PRDM11: variants seen among roughly 807,000 people sequenced by gnomAD.
The protein encoded by PRDM11 is PR domain-containing protein 11.
PRDM11 carries 20 observed loss-of-function variants against 97.8 expected under a neutral mutation model. The observed-to-expected ratio is 0.20, with a 90% CI of 0.14 to 0.30. The LOEUF is 0.30. Among genes scored for constraint, PRDM11 ranks in the 10% least tolerant of loss-of-function variants. The probability of loss-of-function intolerance (pLI) is 1.00; values close to 1 mark genes in which losing one functional copy is unlikely to be tolerated. For synonymous variants in PRDM11, 599 were observed against 637.7 expected (o/e 0.94, Z 0.91); for missense variants, 1,139 against 1,555.2 (o/e 0.73, Z 4.50).
chr11:45,176,111 G>A (rs1378488892), intron 1 of PRDM11, among the ~76,000 whole-genome samples: 2 of 152,070 alleles, frequency 1.3e-5, no homozygotes, highest in Non-Finnish European at 2.9e-5. Flanking sequence ...GCCGGGTGTG[G>A]TAGCTCATGC....
At chr11:45,208,840 A>G in intron 5 of PRDM11, 1 of 400,484 alleles carries the variant, frequency 2.5e-6, no homozygotes, top group Non-Finnish European at 5.1e-6. Context: ...ACGGTCATTT[A>G]CCCAATTGTG....
chr11:45,182,492 A>G (rs533045882), intron 3 of PRDM11, 143 bp downstream of exon 3: 2 of 748,804 alleles, frequency 2.7e-6, no homozygotes, highest in Non-Finnish European at 2.2e-6. Context: ...GTTCGTCATC[A>G]TCATTAGCCA....
Position 45,234,045 on chromosome 11 carries a change from C to T in PRDM11, c.*5886C>T, listed in dbSNP as rs754466334. 1 of 152,286 alleles carries T rather than the reference C, an allele frequency of 6.6e-6. No individual in the cohort carries two copies. The highest frequency in any genetic ancestry group is 1.9e-4 in the East Asian group (1 of 5,180). 9.4% of individuals were successfully genotyped at this position (152,286 alleles called of 1,614,324 possible). A position where few individuals can be genotyped will look rare whatever the true frequency, so the allele number is the denominator to read the frequency against. On this transcript the variant is annotated 3_prime_UTR_variant, in exon 8 of 8. Coordinates refer to ENST00000683152, the MANE Select transcript of PRDM11 (RefSeq NM_001384648.1). ...GGGATACCCCAAGCTCATCCACTTT[C>T]GTTGGGGAGGGCCCCTCCCTGGGTT...
chr11:45,111,209 C>T (rs1852170245), intron 1 of PRDM11, among the ~76,000 whole-genome samples: 1 of 115,942 alleles, frequency 8.6e-6, no homozygotes, highest in African/African-American at 2.5e-5. Flanking sequence ...ATCTTTCTTA[C>T]AATCCATCCC....
intron 1 of PRDM11, among the ~76,000 whole-genome samples, chr11:45,140,289 A>G (rs1487845895): frequency 6.6e-6 from 1 of 152,176 alleles, no homozygotes; most frequent in Non-Finnish European, 1.5e-5. Context: ...CACTTTACAA[A>G]TTGAGAGAAA....
chr11:45,181,678 C>A, intron 1 of PRDM11, 83 bp from the exon 2 acceptor site: 1 of 1,161,352 alleles, frequency 8.6e-7, no homozygotes, highest in East Asian at 2.5e-5. Flanking sequence ...CGCGAGACCC[C>A]CACTTGCCCT....
At chr11:45,221,330 T>C (rs1328035243) in intron 6 of PRDM11, among the ~76,000 whole-genome samples, 2 of 152,200 alleles carry the variant, frequency 1.3e-5, no homozygotes, top group Non-Finnish European at 1.5e-5. Context: ...CCTCTGGAGA[T>C]GCCTCATGTA....
intron 1 of PRDM11, among the ~76,000 whole-genome samples, chr11:45,110,523 ACTAT>A (rs1852153162): frequency 6.6e-6 from 1 of 152,240 alleles, no homozygotes; most frequent in Admixed American, 6.5e-5. Flanking sequence ...GCCGGACCCA[ACTAT>A]CTGTGAGCTG....
rs1423756124 is a variant in PRDM11 at position 45,227,011 on chromosome 11, C to T, written c.2386C>T (p.Arg796Cys). The T allele has an allele frequency of 5.2e-6, 8 of 1,533,826 alleles. No homozygotes were observed. Among genetic ancestry groups the T allele is most frequent in the Middle Eastern group, 2.3e-4 (1 of 4,380 alleles). The change falls in exon 8 of 8, where the codon CGC becomes TGC. Residue 796 changes from arginine to cysteine, a missense_variant. By Grantham distance (180) the Arg-to-Cys change is radical. Around this residue, in one of 2 missense-constraint regions of PRDM11, gnomAD observed 710 missense variants for 1,044.9 expected, o/e 0.68. Coordinates refer to ENST00000683152, the MANE Select transcript of PRDM11 (RefSeq NM_001384648.1). The surrounding 1 kb of genome is among the most constrained non-coding windows in gnomAD (Gnocchi z 8.0). ...CCTGAAGCAGCTGCTGAGCTTCTACCGCTACTCACCGCGCCTCATGTGCGA... is the reference window on the plus strand; with the variant it reads ...CCTGAAGCAGCTGCTGAGCTTCTACTGCTACTCACCGCGCCTCATGTGCGA... ...NNLKQLLSFY[R>C]YSPRLMCELR...
At chr11:45,203,346 G>A (rs1853395316) in intron 4 of PRDM11, among the ~76,000 whole-genome samples, 1 of 151,488 alleles carries the variant, frequency 6.6e-6, no homozygotes, top group African/African-American at 2.4e-5. Context: ...AAAGAGGCAG[G>A]ATGTATAAAA....
chr11:45,168,219 G>A (rs1196095698), intron 1 of PRDM11, among the ~76,000 whole-genome samples: 1 of 152,176 alleles, frequency 6.6e-6, no homozygotes, highest in Non-Finnish European at 1.5e-5. Flanking sequence ...GTTGATGGGG[G>A]CAGGAGCTGT....
At chr11:45,223,140 AC>A (rs1456713852) in intron 6 of PRDM11, among the ~76,000 whole-genome samples, 1 of 152,066 alleles carries the variant, frequency 6.6e-6, no homozygotes, top group African/African-American at 2.4e-5. Flanking sequence ...ACATGGCGAA[AC>A]CCTATCTCCA....
At chr11:45,149,105 C>T (rs1223990326) in intron 1 of PRDM11, among the ~76,000 whole-genome samples, 2 of 152,174 alleles carry the variant, frequency 1.3e-5, no homozygotes, top group African/African-American at 4.8e-5. Flanking sequence ...ATCCCCTCTT[C>T]CCCAGTGTTG....
intron 1 of PRDM11, among the ~76,000 whole-genome samples, chr11:45,177,356 A>AC (rs1232393649): frequency 6.6e-6 from 1 of 151,046 alleles, no homozygotes; most frequent in Non-Finnish European, 1.5e-5. Flanking sequence ...AAGCCTGCCG[A>AC]CCCCCCTTCC....
intron 1 of PRDM11, among the ~76,000 whole-genome samples, chr11:45,149,063 A>C (rs571970575): frequency 6.6e-6 from 1 of 152,108 alleles, no homozygotes; most frequent in South Asian, 2.1e-4. Context: ...AGATAACTTT[A>C]TCCTCTCAAA....
chr11:45,154,474 G>A (rs1002490343), intron 1 of PRDM11, among the ~76,000 whole-genome samples: 1 of 152,188 alleles, frequency 6.6e-6, no homozygotes, highest in African/African-American at 2.4e-5. Flanking sequence ...CAGACCCGGA[G>A]CCTCCGCTGA....
chr11:45,145,950 T>C (rs73464585), upstream of PRDM11, among the ~76,000 whole-genome samples: 2,656 of 152,256 alleles, frequency 0.017, 90 homozygotes, highest in African/African-American at 0.061. Context: ...ATCGAGCAAG[T>C]GAATGCCGCT....
At chr11:45,094,938 G>T (rs1851867709), upstream of PRDM11, among the ~76,000 whole-genome samples, 2 of 151,884 alleles carry the variant, frequency 1.3e-5, no homozygotes, top group African/African-American at 4.8e-5. Flanking sequence ...GGGAGATGAG[G>T]AGACACTGGC....
intron 4 of PRDM11, among the ~76,000 whole-genome samples, chr11:45,190,347 T>C (rs1017056299): frequency 2.0e-5 from 3 of 152,056 alleles, no homozygotes; most frequent in Non-Finnish European, 2.9e-5. Context: ...GGGGTTTTAC[T>C]GTGTTACCCA....
Sources: allele counts gnomAD v4.1 joint callset (sites outside exome capture counted in the v4.1 genomes callset), GRCh38; gene constraint gnomAD v4.1.1; regional missense constraint gnomAD v4.1.1; non-coding constraint Gnocchi (gnomAD v3.1); transcripts MANE v1.5; gene names NCBI Gene and HGNC (gene_info 2026-07-23, HGNC 2026-07-21).